The following NRG1 variants were observed in gnomAD, a reference collection of about 807,000 sequenced individuals.
NRG1 encodes pro-neuregulin-1, membrane-bound isoform.
A neutral mutation model predicts 63.8 loss-of-function variants in NRG1; 18 were observed. That is an observed-to-expected ratio of 0.28 (90% confidence interval 0.19 to 0.42). The LOEUF is 0.42. NRG1 is among the 10% of genes least tolerant of loss of function. The pLI is 1.00. For missense variants in NRG1, 762 were observed against 814.7 expected (o/e 0.94, Z 0.79); for synonymous variants, 302 against 301.3 (o/e 1.00, Z -0.02).
intron 11 of NRG1, chr8:32,760,719 C>T: frequency 2.6e-6 from 3 of 1,137,418 alleles, no homozygotes; most frequent in South Asian, 5.2e-5. Context: ...GTCTCAGTGT[C>T]CTCAGTTGTA....
intron 1 of NRG1, chr8:31,639,729 TTTTTGCCTTTTCTA>T: frequency 5.1e-6 from 7 of 1,377,806 alleles, no homozygotes; most frequent in Non-Finnish European, 6.5e-6. Flanking sequence ...GGCAGCGGTT[TTTTTGCCTTTTCTA>T]TTTTGCCTTT....
At chr8:32,476,377 C>T (rs1356484652) in intron 1 of NRG1, among the ~76,000 whole-genome samples, 1 of 152,200 alleles carries the variant, frequency 6.6e-6, no homozygotes, top group Non-Finnish European at 1.5e-5. Context: ...ATTGATTCAC[C>T]TCCTTTATGT....
At chr8:32,540,208 AG>A (rs1296298991) in intron 1 of NRG1, among the ~76,000 whole-genome samples, 1 of 152,182 alleles carries the variant, frequency 6.6e-6, no homozygotes, top group African/African-American at 2.4e-5. Context: ...AGTATGGATT[AG>A]ATTTTAATAA....
At chr8:31,815,936 T>C (rs191888218) in intron 1 of NRG1, among the ~76,000 whole-genome samples, 5 of 152,332 alleles carry the variant, frequency 3.3e-5, no homozygotes, top group Admixed American at 3.3e-4. Context: ...TTCATGTGCT[T>C]ACCAGTCATT....
At chr8:32,585,863 A>C (rs944031322) in intron 1 of NRG1, among the ~76,000 whole-genome samples, 1 of 152,182 alleles carries the variant, frequency 6.6e-6, no homozygotes, top group Non-Finnish European at 1.5e-5. Context: ...TCATTAAATA[A>C]AATCTTTAGC....
intron 6 of NRG1, among the ~76,000 whole-genome samples, chr8:32,739,083 C>A (rs544943510): frequency 1.3e-5 from 2 of 152,284 alleles, no homozygotes; most frequent in East Asian, 3.9e-4. Flanking sequence ...TTGATAATCA[C>A]TTAATTACAT....
intron 1 of NRG1, among the ~76,000 whole-genome samples, chr8:32,004,896 A>C (rs760899511): frequency 2.8e-4 from 43 of 151,954 alleles, no homozygotes; most frequent in Non-Finnish European, 5.3e-4. Context: ...TCATGTATAT[A>C]ATTTAAGGGT....
Position 32,418,526 on chromosome 8 carries a change from T to A in NRG1, c.38-177302T>A, listed in dbSNP as rs148747485. 3.0e-3 allele frequency among the ~76,000 whole-genome samples: 454 copies of A among 152,158 alleles called. 3 individuals are homozygous for A. Among genetic ancestry groups the A allele is most frequent in the African/African-American group, 0.01 (434 of 41,550 alleles). On this transcript the variant is annotated intron_variant, in intron 1 of 10. Transcript: ENST00000519301. ...GCACGTATTTTACACTTACAGTACA[T>A]CTTAATTTGGACTAGATGCATTTCA...
intron 1 of NRG1, among the ~76,000 whole-genome samples, chr8:31,910,501 G>C (rs1832851910): frequency 6.6e-6 from 1 of 152,140 alleles, no homozygotes; most frequent in South Asian, 2.1e-4. Flanking sequence ...AGACCAGTTA[G>C]AAGGCTACCA....
intron 1 of NRG1, among the ~76,000 whole-genome samples, chr8:32,585,733 A>C (rs779602509): frequency 2.0e-5 from 3 of 152,246 alleles, no homozygotes; most frequent in Non-Finnish European, 4.4e-5. Flanking sequence ...CAGAAAATTC[A>C]GCAATTTTGC....
intron 1 of NRG1, among the ~76,000 whole-genome samples, chr8:32,309,234 C>G (rs886625772): frequency 3.9e-5 from 6 of 152,026 alleles, no homozygotes; most frequent in Admixed American, 1.3e-4. Flanking sequence ...CCTTAATTAC[C>G]AGAGACTTGG....
chr8:32,444,787 G>A (rs1820033423), intron 1 of NRG1, among the ~76,000 whole-genome samples: 1 of 152,196 alleles, frequency 6.6e-6, no homozygotes, highest in Non-Finnish European at 1.5e-5. Context: ...AAGAAGAACA[G>A]GTCTAACAAA....
chr8:31,797,750 C>A (rs1369378743), intron 1 of NRG1, among the ~76,000 whole-genome samples: 1 of 152,150 alleles, frequency 6.6e-6, no homozygotes, highest in Non-Finnish European at 1.5e-5. Flanking sequence ...CTATTTATGG[C>A]AGCACTATTC....
At chr8:32,405,125 C>G (rs1243381007) in intron 1 of NRG1, among the ~76,000 whole-genome samples, 1 of 152,166 alleles carries the variant, frequency 6.6e-6, no homozygotes, top group Non-Finnish European at 1.5e-5. Context: ...CAGGCTGTCC[C>G]TGTTGCCTCT....
At chr8:32,268,796 A>G (rs1226829856) in intron 1 of NRG1, among the ~76,000 whole-genome samples, 2 of 152,168 alleles carry the variant, frequency 1.3e-5, no homozygotes, top group Non-Finnish European at 2.9e-5. Flanking sequence ...TAGTCATGAA[A>G]CCAAGTCTTT....
chr8:32,645,632 A>G (rs1197835142), intron 5 of NRG1, among the ~76,000 whole-genome samples: 1 of 152,198 alleles, frequency 6.6e-6, no homozygotes, highest in Non-Finnish European at 1.5e-5. Flanking sequence ...CAGGACTTGA[A>G]TTCTAAATTT....
intron 1 of NRG1, among the ~76,000 whole-genome samples, chr8:32,094,506 G>A (rs915981396): frequency 5.3e-5 from 8 of 152,074 alleles, no homozygotes; most frequent in African/African-American, 1.7e-4. Flanking sequence ...CCAAGCTGTC[G>A]TATATTTTCC....
chr8:32,342,393 A>T (rs1456689319), intron 1 of NRG1, among the ~76,000 whole-genome samples: 3 of 152,222 alleles, frequency 2.0e-5, no homozygotes, highest in Admixed American at 2.0e-4. Flanking sequence ...GGCCCTTTGC[A>T]CTGTCCCAGG....
At position 32,070,964 on chromosome 8, in the gene NRG1, T is replaced by C. The variant is rs140968226; in HGVS notation, c.37+431533T>C. On this transcript the variant is annotated intron_variant, in intron 1 of 10. Transcript: ENST00000519301. Reference sequence around the variant, plus strand: ...CCTCAGCTTCACCGTGTTCTCAGTTTCCAGCACGCACCAAGCTCTGTGCCA... The same window carrying C: ...CCTCAGCTTCACCGTGTTCTCAGTTCCCAGCACGCACCAAGCTCTGTGCCA... Among the ~76,000 whole-genome samples, 612 of 152,292 alleles carry C rather than the reference T, an allele frequency of 4.0e-3. 9 individuals carry two copies. Among genetic ancestry groups the C allele is most frequent in the African/African-American group, 0.014 (584 of 41,550 alleles).
Sources: gnomAD v4.1 joint callset for allele counts (sites outside exome capture counted in the v4.1 genomes callset) on GRCh38, gnomAD v4.1.1 for gene constraint, MANE v1.5 for transcripts, NCBI Gene and HGNC (gene_info 2026-07-23, HGNC 2026-07-21) for gene names.